INSIG1: variants seen among roughly 807,000 people sequenced by gnomAD.
INSIG1 encodes insulin induced gene 1.
A neutral mutation model predicts 26.5 loss-of-function variants in INSIG1; 14 were observed. The ratio of observed to expected loss-of-function variants is 0.53; its 90% CI spans 0.35 to 0.83. The LOEUF (loss-of-function observed/expected upper bound fraction) is 0.83, where lower values mean the gene tolerates loss of function less well. INSIG1 is among the 40% of genes least tolerant of loss of function. The probability of loss-of-function intolerance (pLI) is 0.01; values close to 1 mark genes in which losing one functional copy is unlikely to be tolerated. For synonymous variants in INSIG1, 147 were observed against 153.3 expected (o/e 0.96, Z 0.30); for missense variants, 272 against 368.9 (o/e 0.74, Z 2.15).
At chr7:155,303,651 A>T (rs555080709) in intron 5 of INSIG1, among the ~76,000 whole-genome samples, 32 of 152,356 alleles carry the variant, frequency 2.1e-4, no homozygotes, top group Non-Finnish European at 3.7e-4. Flanking sequence ...CTTCAATTTA[A>T]AAACATAGAG....
At chr7:155,298,237 C>G (rs1188792804) in intron 1 of INSIG1, 22 bp from the exon 2 acceptor site, 1 of 1,432,196 alleles carries the variant, frequency 7.0e-7, no homozygotes, top group African/African-American at 1.5e-5. Context: ...TCTGAGTGAA[C>G]TTGATGACCC....
intron 2 of INSIG1, among the ~76,000 whole-genome samples, chr7:155,300,039 C>T (rs901357608): frequency 6.6e-6 from 1 of 152,048 alleles, no homozygotes; most frequent in Admixed American, 6.6e-5. Flanking sequence ...CTCGGAGGGA[C>T]GGGATCCTCT....
chr7:155,306,800 A>C (rs927816516), intron 5 of INSIG1, among the ~76,000 whole-genome samples: 4 of 148,426 alleles, frequency 2.7e-5, no homozygotes, highest in Admixed American at 2.7e-4. Flanking sequence ...CTGCCCTTTC[A>C]ACACATAGCT....
At chr7:155,303,717 T>TAAA in intron 5 of INSIG1, 2 of 403,834 alleles carry the variant, frequency 5.0e-6, no homozygotes, top group South Asian at 2.8e-5. Context: ...GAAAGTAAAT[T>TAAA]AAAAAAAACA....
chr7:155,309,693 G>C lies in INSIG1; in HGVS notation c.*1423G>C, dbSNP rs955022205. On this transcript the variant is annotated 3_prime_UTR_variant, in exon 6 of 6. Coordinates refer to ENST00000340368, the MANE Select transcript of INSIG1 (RefSeq NM_005542.6). ...TTTGTGTTTGGTTTTGTGATGTAAC[G>C]ATCTTTGCTGGGGTTTTTTGCTTTG... 6.6e-6 allele frequency: 1 copy of C among 152,166 alleles called. No homozygotes were observed. Among genetic ancestry groups the C allele is most frequent in the East Asian group, 1.9e-4 (1 of 5,196 alleles). 9.4% of individuals were successfully genotyped at this position (152,166 alleles called of 1,614,324 possible). A position where few individuals can be genotyped will look rare whatever the true frequency, so the allele number is the denominator to read the frequency against.
chr7:155,303,845 G>A, intron 5 of INSIG1: 1 of 1,366,036 alleles, frequency 7.3e-7, no homozygotes, highest in Non-Finnish European at 9.8e-7. Context: ...TCTGTGAGGA[G>A]TTGAATTTGA....
chr7:155,302,519 T>G lies in INSIG1; in HGVS notation c.704+102T>G, dbSNP rs1194899556. On this transcript the variant is annotated intron_variant, in intron 4 of 5. Coordinates refer to ENST00000340368, the MANE Select transcript of INSIG1 (RefSeq NM_005542.6). This position sits in a 1 kb window ranked among gnomAD's most constrained non-coding sequence, Gnocchi z 4.3. ...TTTCATATTTTATTTGTTTTTTATATAGAATGATACAGATTTAGGCATGAA... is the reference window on the plus strand; with the variant it reads ...TTTCATATTTTATTTGTTTTTTATAGAGAATGATACAGATTTAGGCATGAA... 2 of 1,219,660 alleles carry G rather than the reference T, an allele frequency of 1.6e-6. No individual in the cohort carries two copies. The highest frequency in any genetic ancestry group is 1.5e-5 in the African/African-American group (1 of 64,866). The allele number at this position is 1,219,660 out of a possible 1,614,324, so 75.6% of individuals were successfully genotyped here.
rs753444950 is a variant in INSIG1, at chr7:155,298,248, C to T, written c.-27-11C>T. On this transcript the variant is annotated splice_polypyrimidine_tract_variant and intron_variant, in intron 1 of 5. Transcript: ENST00000340368. Reference sequence around the variant, plus strand: ...CTCTTCTGAGTGAACTTGATGACCCCCTTCTTCCAGGAAGCGCCTCTTGGA... The same window carrying T: ...CTCTTCTGAGTGAACTTGATGACCCTCTTCTTCCAGGAAGCGCCTCTTGGA... 87 of 1,449,146 alleles carry T rather than the reference C, an allele frequency of 6.0e-5. No homozygotes were observed. Among genetic ancestry groups the T allele is most frequent in the Non-Finnish European group, 7.3e-5 (81 of 1,104,110 alleles). The allele number at this position is 1,449,146 out of a possible 1,614,324, so 89.8% of individuals were successfully genotyped here.
Position 155,302,572 on chromosome 7 carries a change from TTAATG to T in INSIG1, c.704+159_704+163del. 1 of 988,558 alleles carries T rather than the reference TTAATG, an allele frequency of 1.0e-6. No individual in the cohort carries two copies. Among genetic ancestry groups the T allele is most frequent in the Non-Finnish European group, 1.5e-6 (1 of 681,902 alleles). The allele number at this position is 988,558 out of a possible 1,614,324, so 61.2% of individuals were successfully genotyped here. A position where few individuals can be genotyped will look rare whatever the true frequency, so the allele number is the denominator to read the frequency against. On this transcript the variant is annotated intron_variant, in intron 4 of 5. Transcript: ENST00000340368. The surrounding 1 kb of genome is among the most constrained non-coding windows in gnomAD (Gnocchi z 4.3). ...TCTCAAAAATGCTGCTATCCATAAC[TTAATG>T]TAACGCAAAGGAAAACCAAGTAGTA...
chr7:155,302,901 A>G lies in INSIG1; in HGVS notation c.804+55A>G, dbSNP rs919089234. 1.2e-5 allele frequency: 14 copies of G among 1,195,544 alleles called. No homozygotes were observed. The highest frequency in any genetic ancestry group is 5.1e-5 in the Admixed American group (3 of 58,650). The allele number at this position is 1,195,544 out of a possible 1,614,324, so 74.1% of individuals were successfully genotyped here. ...AACTTGCGTCTCTTTACCTTGATAG[A>G]ATGACTTTACATGATACATTCAAAT... On this transcript the variant is annotated intron_variant, in intron 5 of 5. Transcript: ENST00000340368. This position sits in a 1 kb window ranked among gnomAD's most constrained non-coding sequence, Gnocchi z 4.3.
In INSIG1 at chr7:155,309,495, T is replaced by A. The variant is rs147131174; in HGVS notation, c.*1225T>A. 6.6e-6 allele frequency: 1 copy of A among 152,652 alleles called. No homozygotes were observed. Among genetic ancestry groups the A allele is most frequent in the Non-Finnish European group, 1.5e-5 (1 of 68,048 alleles). 9.5% of individuals were successfully genotyped at this position (152,652 alleles called of 1,614,324 possible). On this transcript the variant is annotated 3_prime_UTR_variant, in exon 6 of 6. Coordinates refer to ENST00000340368, the MANE Select transcript of INSIG1 (RefSeq NM_005542.6). ...CCTCAACCTTCGAAATACTCCAGTTTTGTGGGTTTGGTCATTTTTACTTAT... is the reference window on the plus strand; with the variant it reads ...CCTCAACCTTCGAAATACTCCAGTTATGTGGGTTTGGTCATTTTTACTTAT...
intron 5 of INSIG1, among the ~76,000 whole-genome samples, chr7:155,306,348 A>G (rs1797935154): frequency 6.6e-6 from 1 of 152,194 alleles, no homozygotes; most frequent in Non-Finnish European, 1.5e-5. Flanking sequence ...CATTTATAGA[A>G]CTTGTAGTTG....
At chr7:155,303,976 CTTTTTTTTT>C in intron 5 of INSIG1, 84 of 261,472 alleles carry the variant, frequency 3.2e-4, no homozygotes, top group Admixed American at 5.3e-4. Flanking sequence ...CTTTGCTTGC[CTTTTTTTTT>C]TTTTTTTTTT....
chr7:155,304,818 T>A lies in INSIG1; in HGVS notation c.804+1972T>A, dbSNP rs372773495. 2.2e-3 allele frequency among the ~76,000 whole-genome samples: 332 copies of A among 152,152 alleles called. 4 individuals carry two copies. The South Asian group carries it at 0.028, about 13-fold the overall frequency. ...TTTATTCTTTAAGCTTGGGGGAAAA[T>A]GTTTGGATGTTCTCGTATCTTAAAA... is the stretch of plus-strand genomic sequence containing the variant. On this transcript the variant is annotated intron_variant, in intron 5 of 5. Coordinates refer to ENST00000340368, the MANE Select transcript of INSIG1 (RefSeq NM_005542.6).
rs765920985 is a variant in INSIG1, at chr7:155,303,886, G to A, written c.804+1040G>A. 26 of 1,363,586 alleles carry A rather than the reference G, an allele frequency of 1.9e-5. No homozygotes were observed. In the South Asian group the frequency reaches 2.7e-4, roughly 14 times the overall value. 84.5% of individuals were successfully genotyped at this position (1,363,586 alleles called of 1,614,324 possible). A position where few individuals can be genotyped will look rare whatever the true frequency, so the allele number is the denominator to read the frequency against. On this transcript the variant is annotated intron_variant, in intron 5 of 5. Transcript: ENST00000340368. ...ACTTGGCTGTTTCACAAAACCAGAA[G>A]TAATTACAGGTAGAATTTGCAGTCT...
intron 2 of INSIG1, among the ~76,000 whole-genome samples, chr7:155,300,183 G>A (rs187676446): frequency 6.6e-6 from 1 of 152,074 alleles, no homozygotes; most frequent in Non-Finnish European, 1.5e-5. Context: ...CTTGATCTTA[G>A]AAATGAAATA....
At chr7:155,298,163 C>A in intron 1 of INSIG1, 96 bp from the exon 2 acceptor site, 2 of 1,096,310 alleles carry the variant, frequency 1.8e-6, no homozygotes, top group Non-Finnish European at 2.4e-6. Context: ...TGGGGGGCGG[C>A]GCTGCCGCCT....
At chr7:155,307,029 T>A (rs2067028377) in intron 5 of INSIG1, among the ~76,000 whole-genome samples, 1 of 152,252 alleles carries the variant, frequency 6.6e-6, no homozygotes, top group African/African-American at 2.4e-5. Flanking sequence ...CATTTATTTA[T>A]CAGCACATTA....
Position 155,301,600 on chromosome 7 carries a change from TCACCTCGGAGAACCC to T in INSIG1, c.451_465del (p.Leu151_His155del). 1 of 1,611,342 alleles carries T rather than the reference TCACCTCGGAGAACCC, an allele frequency of 6.2e-7. No individual in the cohort carries two copies. Among genetic ancestry groups the T allele is most frequent in the Non-Finnish European group, 8.5e-7 (1 of 1,177,954 alleles). ...GCCTACTGTACCCCTGTATCGACAG[TCACCTCGGAGAACCC>T]CACAAATTTAAGAGAGAATGGGCCA... On this transcript the variant is annotated inframe_deletion, in exon 3 of 6. Transcript: ENST00000340368.
Sources: gnomAD v4.1 joint callset for allele counts (sites outside exome capture counted in the v4.1 genomes callset) on GRCh38, gnomAD v4.1.1 for gene constraint, Gnocchi (gnomAD v3.1) non-coding constraint, MANE v1.5 for transcripts, NCBI Gene and HGNC (gene_info 2026-07-23, HGNC 2026-07-21) for gene names.